CNTN4: variants seen among roughly 807,000 people sequenced by gnomAD.
CNTN4 encodes the protein contactin-4.
CNTN4 carries 77 observed loss-of-function variants against 122.5 expected under a neutral mutation model. That is an observed-to-expected ratio of 0.63 (90% CI 0.52 to 0.76). The LOEUF is 0.76. CNTN4 is among the 30% of genes least tolerant of loss of function. CNTN4 has a pLI of 0.00. For synonymous variants in CNTN4, 512 were observed against 447.0 expected (o/e 1.15, Z -1.83); for missense variants, 1,256 against 1,259.1 (o/e 1.00, Z 0.04).
chr3:2,212,756 T>C (rs1045785019), intron 2 of CNTN4, among the ~76,000 whole-genome samples: 9 of 152,244 alleles, frequency 5.9e-5, no homozygotes, highest in African/African-American at 2.2e-4. Context: ...GACTGAGGAC[T>C]TTAAAAAATG....
At chr3:2,485,374 C>T (rs2076125958) in intron 3 of CNTN4, among the ~76,000 whole-genome samples, 1 of 152,226 alleles carries the variant, frequency 6.6e-6, no homozygotes, top group Admixed American at 6.5e-5. Context: ...CAGCTGGGCT[C>T]CTGAGTCTAG....
At chr3:2,803,775 G>C (rs2092401098) in intron 6 of CNTN4, among the ~76,000 whole-genome samples, 1 of 151,904 alleles carries the variant, frequency 6.6e-6, no homozygotes, top group Admixed American at 6.6e-5. Context: ...TGGCCAGGTT[G>C]GTCTCGAACT....
chr3:2,296,808 A>C (rs1334321430), intron 2 of CNTN4, among the ~76,000 whole-genome samples: 1 of 150,464 alleles, frequency 6.6e-6, no homozygotes, highest in Non-Finnish European at 1.5e-5. Context: ...AAACAACAAA[A>C]AACTATAATT....
intron 3 of CNTN4, among the ~76,000 whole-genome samples, chr3:2,458,971 C>T (rs191734098): frequency 1.3e-5 from 2 of 152,244 alleles, no homozygotes; most frequent in African/African-American, 2.4e-5. Flanking sequence ...CTTTGCATTC[C>T]ACTCTTTAGA....
chr3:2,611,507 T>C (rs962298739), intron 4 of CNTN4, among the ~76,000 whole-genome samples: 1 of 152,146 alleles, frequency 6.6e-6, no homozygotes, highest in Non-Finnish European at 1.5e-5. Flanking sequence ...TGGGTGATAG[T>C]ACCTGCTTGG....
intron 14 of CNTN4, chr3:2,999,072 C>T (rs1695798535): frequency 6.6e-6 from 1 of 152,140 alleles, no homozygotes; most frequent in Non-Finnish European, 1.5e-5. Flanking sequence ...TGTATTCAAT[C>T]CATATCTACA....
chr3:2,293,064 T>C (rs1404917835), intron 2 of CNTN4, among the ~76,000 whole-genome samples: 3 of 152,246 alleles, frequency 2.0e-5, no homozygotes, highest in Non-Finnish European at 2.9e-5. Flanking sequence ...ATGCGTATTG[T>C]TATTCTTTTG....
At chr3:2,921,862 C>T (rs531214276) in intron 12 of CNTN4, among the ~76,000 whole-genome samples, 1 of 152,082 alleles carries the variant, frequency 6.6e-6, no homozygotes, top group African/African-American at 2.4e-5. Flanking sequence ...ACTTAAAATA[C>T]CCTTGATATA....
intron 4 of CNTN4, among the ~76,000 whole-genome samples, chr3:2,721,321 G>A (rs563529428): frequency 2.0e-5 from 3 of 152,208 alleles, no homozygotes; most frequent in East Asian, 1.9e-4. Flanking sequence ...CATCCCTTAA[G>A]AGAGAGAAAA....
At chr3:3,042,473 A>T (rs373339083) in intron 21 of CNTN4, 51 bp downstream of exon 21, 222 of 1,172,836 alleles carry the variant, frequency 1.9e-4, no homozygotes, top group South Asian at 7.9e-4. Context: ...ATGCCCCTTG[A>T]TAAGTCCTCC....
At chr3:2,311,907 T>C (rs2042928565) in intron 2 of CNTN4, among the ~76,000 whole-genome samples, 1 of 152,140 alleles carries the variant, frequency 6.6e-6, no homozygotes, top group South Asian at 2.1e-4. Context: ...CCTTAGATAT[T>C]TTCCTGAGTT....
chr3:2,866,402 G>C, intron 7 of CNTN4: 1 of 1,059,278 alleles, frequency 9.4e-7, no homozygotes, highest in Non-Finnish European at 1.2e-6. Flanking sequence ...CAAGATTATA[G>C]GCACCCTGGG....
At chr3:2,174,019 C>G (rs1231068314) in intron 2 of CNTN4, among the ~76,000 whole-genome samples, 1 of 152,090 alleles carries the variant, frequency 6.6e-6, no homozygotes, top group Non-Finnish European at 1.5e-5. Flanking sequence ...TTGCATCCCT[C>G]TAGCATATTT....
At chr3:2,610,529 C>G (rs1297870109) in intron 4 of CNTN4, among the ~76,000 whole-genome samples, 2 of 152,150 alleles carry the variant, frequency 1.3e-5, no homozygotes, top group African/African-American at 4.8e-5. Flanking sequence ...CGCATTTCAG[C>G]CTGTGTAGAA....
At chr3:2,378,553 A>G (rs2045907178) in intron 3 of CNTN4, among the ~76,000 whole-genome samples, 1 of 152,104 alleles carries the variant, frequency 6.6e-6, no homozygotes, top group Admixed American at 6.5e-5. Flanking sequence ...TTTATTCAAC[A>G]TGTTTTGGAA....
chr3:2,925,157 T>C (rs1414246874), intron 12 of CNTN4, among the ~76,000 whole-genome samples: 1 of 152,164 alleles, frequency 6.6e-6, no homozygotes, highest in Admixed American at 6.5e-5. Context: ...CAAATGCAAA[T>C]TATACCTCAA....
Position 2,840,169 on chromosome 3 carries a change from C to T in CNTN4, c.454+20588C>T, listed in dbSNP as rs538094161. Among the ~76,000 whole-genome samples, 13 of 152,188 alleles carry T rather than the reference C, an allele frequency of 8.5e-5. No individual in the cohort carries two copies. The South Asian group carries it at 1.7e-3, about 19-fold the overall frequency. On this transcript the variant is annotated intron_variant, in intron 7 of 24. Transcript: ENST00000418658. ...TCCAGCCAGATTCAGCTTACCAATC[C>T]GGGGTCATTCTTATAACAACATAGC... is the stretch of plus-strand genomic sequence containing the variant.
intron 2 of CNTN4, among the ~76,000 whole-genome samples, chr3:2,168,313 C>T (rs1403295087): frequency 6.6e-6 from 1 of 151,822 alleles, no homozygotes; most frequent in Non-Finnish European, 1.5e-5. Context: ...TTAGCAAGGA[C>T]CAAAAATATG....
At chr3:2,560,587 A>G (rs1279832138) in intron 3 of CNTN4, among the ~76,000 whole-genome samples, 2 of 152,224 alleles carry the variant, frequency 1.3e-5, no homozygotes, top group Non-Finnish European at 2.9e-5. Flanking sequence ...TAGGCTCAGT[A>G]TCTCCGTTTT....
Sources: gnomAD v4.1 joint callset for allele counts (sites outside exome capture counted in the v4.1 genomes callset) on GRCh38, gnomAD v4.1.1 for gene constraint, MANE v1.5 for transcripts, NCBI Gene and HGNC (gene_info 2026-07-23, HGNC 2026-07-21) for gene names.